The following XPO7 variants were observed in gnomAD, a reference collection of about 807,000 sequenced individuals.
XPO7 encodes exportin-7.
A neutral mutation model predicts 144.3 loss-of-function variants in XPO7; 21 were observed. That is an observed-to-expected ratio of 0.15 (90% CI 0.10 to 0.21). The LOEUF is 0.21. Among genes scored for constraint, XPO7 ranks in the 10% least tolerant of loss-of-function variants. The probability of loss-of-function intolerance (pLI) is 1.00; values close to 1 mark genes in which losing one functional copy is unlikely to be tolerated. For missense variants in XPO7, 808 were observed against 1,325.8 expected (o/e 0.61, Z 6.06); for synonymous variants, 580 against 499.6 (o/e 1.16, Z -2.15).
chr8:21,931,938 T>C (rs1335597302), intron 1 of XPO7, among the ~76,000 whole-genome samples: 15 of 152,322 alleles, frequency 9.8e-5, no homozygotes, highest in African/African-American at 2.9e-4. Flanking sequence ...AGTGGCGCGG[T>C]CTTGGCTCAT....
intron 20 of XPO7, among the ~76,000 whole-genome samples, chr8:21,994,773 G>A (rs1451811367): frequency 6.6e-6 from 1 of 152,138 alleles, no homozygotes; most frequent in Non-Finnish European, 1.5e-5. Context: ...AAATAAAAAG[G>A]CCAGGCACGG....
chr8:21,963,694 CAAAA>C (rs5890015), intron 1 of XPO7, among the ~76,000 whole-genome samples: 2 of 131,226 alleles, frequency 1.5e-5, no homozygotes, highest in Admixed American at 8.2e-5. Flanking sequence ...GACTCCGTCT[CAAAA>C]AAAAAAAAAA....
At chr8:21,969,963 CCTA>C (rs1811998615) in intron 3 of XPO7, 178 bp from the exon 4 acceptor site, 1 of 687,180 alleles carries the variant, frequency 1.5e-6, no homozygotes, top group East Asian at 2.8e-5. Context: ...AATTAGAACA[CCTA>C]CTAATCTTAA....
At chr8:21,934,396 G>A (rs949205687) in intron 1 of XPO7, among the ~76,000 whole-genome samples, 3 of 152,148 alleles carry the variant, frequency 2.0e-5, no homozygotes, top group Non-Finnish European at 4.4e-5. Context: ...AGCCGGGCGT[G>A]GTGGCGCATG....
intron 1 of XPO7, among the ~76,000 whole-genome samples, chr8:21,947,367 T>TA (rs1339390580): frequency 1.3e-5 from 2 of 152,038 alleles, no homozygotes; most frequent in African/African-American, 2.4e-5. Flanking sequence ...AAAACATCTT[T>TA]AAAAAAGAAA....
At chr8:21,988,508 T>A (rs956155495) in intron 15 of XPO7, 1 of 161,088 alleles carries the variant, frequency 6.2e-6, no homozygotes, top group Non-Finnish European at 1.4e-5. Context: ...ACATTTTGCC[T>A]CCTACCAACT....
rs572605748 is a variant in XPO7 at position 21,995,681 on chromosome 8, T to C, written c.2345+82T>C. ...GCTGTATCTAGTGCTTTGGGCAGAT[T>C]GTGGGAAATAATAAGATTCACTACT... On this transcript the variant is annotated intron_variant, in intron 21 of 27. Coordinates refer to ENST00000252512, the MANE Select transcript of XPO7 (RefSeq NM_015024.5). The C allele has an allele frequency of 1.4e-3, 1,583 of 1,096,040 alleles. 4 individuals carry two copies. Among genetic ancestry groups the C allele is most frequent in the Non-Finnish European group, 1.9e-3 (1,460 of 775,666 alleles). 67.9% of individuals were successfully genotyped at this position (1,096,040 alleles called of 1,614,324 possible). A position where few individuals can be genotyped will look rare whatever the true frequency, so the allele number is the denominator to read the frequency against.
rs145929797 is a variant in XPO7 at position 21,944,485 on chromosome 8, T to G, written c.19-22372T>G. Among the ~76,000 whole-genome samples the G allele has an allele frequency of 4.2e-3, 633 of 152,204 alleles. 10 individuals are homozygous for G. In the East Asian group the frequency reaches 0.062, roughly 15 times the overall value. ...GGGAGGCTGAGACTGGAGAATCACTTGAACCCAGGAGGCGGAGGCTGCAGT... is the reference window on the plus strand; with the variant it reads ...GGGAGGCTGAGACTGGAGAATCACTGGAACCCAGGAGGCGGAGGCTGCAGT... On this transcript the variant is annotated intron_variant, in intron 1 of 27. Coordinates refer to ENST00000252512, the MANE Select transcript of XPO7 (RefSeq NM_015024.5).
At position 21,958,674 on chromosome 8, in the gene XPO7, C is replaced by T. The variant is rs932543018; in HGVS notation, c.19-8183C>T. 2.2e-5 allele frequency among the ~76,000 whole-genome samples: 3 copies of T among 138,424 alleles called. No homozygotes were observed. The Admixed American group carries it at 2.2e-4, about 10-fold the overall frequency. 90.8% of individuals were successfully genotyped at this position (138,424 alleles called of 152,430 possible). On this transcript the variant is annotated intron_variant, in intron 1 of 27. Transcript: ENST00000252512. ...GTGTGAAAGCTGAAACAAGGCAAAG[C>T]AAGGCCGGGCATGGTTGCGCATGCC...
At chr8:21,982,610 T>C in intron 10 of XPO7, 30 bp from the exon 11 acceptor site, 1 of 1,546,692 alleles carries the variant, frequency 6.5e-7, no homozygotes, top group Non-Finnish European at 8.7e-7. Context: ...AAATGAAAAA[T>C]ATGCCTTCTG....
chr8:21,991,841 T>C, intron 18 of XPO7, 27 bp from the exon 19 acceptor site: 3 of 1,581,902 alleles, frequency 1.9e-6, no homozygotes, highest in Non-Finnish European at 2.6e-6. Flanking sequence ...GGTATTGGGG[T>C]TACACCCTGG....
chr8:21,998,107 A>G (rs1006904213), intron 21 of XPO7, among the ~76,000 whole-genome samples: 10 of 152,216 alleles, frequency 6.6e-5, no homozygotes, highest in African/African-American at 9.7e-5. Flanking sequence ...TAATGGCTGA[A>G]GGGCTCTGCA....
intron 25 of XPO7, among the ~76,000 whole-genome samples, chr8:22,002,477 C>A (rs569554154): frequency 1.8e-4 from 28 of 152,296 alleles, no homozygotes; most frequent in South Asian, 1.0e-3. Flanking sequence ...CTGGATTATT[C>A]TTCTGAGTGT....
intron 1 of XPO7, among the ~76,000 whole-genome samples, chr8:21,925,185 AC>A (rs1169049506): frequency 6.6e-6 from 1 of 152,222 alleles, no homozygotes; most frequent in African/African-American, 2.4e-5. Flanking sequence ...TGGGATTGGT[AC>A]CCAGGAGGCA....
In XPO7 at chr8:21,998,930, G is replaced by C; in HGVS notation, c.2428+93G>C. On this transcript the variant is annotated intron_variant, in intron 22 of 27. Coordinates refer to ENST00000252512, the MANE Select transcript of XPO7 (RefSeq NM_015024.5). ...TGTGGGTCTCTGGCCAGTCCTGGCA[G>C]GAGCCAGGACAGCATTCGTATTGTA... The C allele has an allele frequency of 2.0e-6, 3 of 1,490,236 alleles. No homozygotes were observed. The South Asian group carries it at 3.5e-5, about 17-fold the overall frequency. 92.3% of individuals were successfully genotyped at this position (1,490,236 alleles called of 1,614,324 possible).
chr8:21,976,227 A>T (rs942439898), intron 6 of XPO7, 129 bp from the exon 7 acceptor site: 1 of 950,422 alleles, frequency 1.1e-6, no homozygotes, highest in African/African-American at 1.6e-5. Flanking sequence ...ACATCTTTGG[A>T]GAGAAGGGGA....
chr8:21,987,280 A>G lies in XPO7; in HGVS notation c.1713+4A>G. The stretch of plus-strand genomic sequence containing the variant: ...CCAAGTGCAGAAATCCTCTAAGGTA[A>G]CAGCCTCTCAATTGGCTCCCCTTAG... On this transcript the variant is annotated splice_donor_region_variant and intron_variant, in intron 14 of 27. Coordinates refer to ENST00000252512, the MANE Select transcript of XPO7 (RefSeq NM_015024.5). The G allele has an allele frequency of 6.2e-7, 1 of 1,614,002 alleles. No homozygotes were observed. Among genetic ancestry groups the G allele is most frequent in the Non-Finnish European group, 8.5e-7 (1 of 1,179,864 alleles).
At chr8:21,921,807 T>C (rs1810298038) in intron 1 of XPO7, among the ~76,000 whole-genome samples, 2 of 152,208 alleles carry the variant, frequency 1.3e-5, no homozygotes, top group African/African-American at 4.8e-5. Flanking sequence ...GTGGTCTTCA[T>C]ATCAACGGGG....
At chr8:22,003,174 G>GCAAT (rs1308765440) in intron 25 of XPO7, 45 bp from the exon 26 acceptor site, 1 of 1,473,434 alleles carries the variant, frequency 6.8e-7, no homozygotes, top group Non-Finnish European at 9.3e-7. Flanking sequence ...ATCTTGGGTA[G>GCAAT]CAATACATTA....
Sources: gnomAD v4.1 joint callset for allele counts (sites outside exome capture counted in the v4.1 genomes callset) on GRCh38, gnomAD v4.1.1 for gene constraint, MANE v1.5 for transcripts, NCBI Gene and HGNC (gene_info 2026-07-23, HGNC 2026-07-21) for gene names.